Variants in PCED1B observed in about 807,000 individuals in gnomAD.
The protein encoded by PCED1B is PC-esterase domain-containing protein 1B.
For synonymous variants in PCED1B, 251 were observed against 246.1 expected, an observed-to-expected ratio of 1.02 and a Z score of -0.19; for missense variants, 573 against 573.9, an observed-to-expected ratio of 1.00 and a Z score of 0.02.
chr12:47,086,183 G>A (rs534204147), intron 1 of PCED1B, among the ~76,000 whole-genome samples: 34 of 152,018 alleles, frequency 2.2e-4, no homozygotes, highest in Non-Finnish European at 7.4e-5. Flanking sequence ...ACTTGGGTGT[G>A]ATCAACTCAC....
Position 47,235,326 on chromosome 12 carries a change from T to C in PCED1B, c.263T>C (p.Leu88Pro), listed in dbSNP as rs747871829. ...CGCGAGTTCCGCTCCGACCACCATCTGGTACGTTTTTACTTCCTCACCCGC... is the reference window on the plus strand; with the variant it reads ...CGCGAGTTCCGCTCCGACCACCATCCGGTACGTTTTTACTTCCTCACCCGC... ...EVREFRSDHHLVRFYFLTRVY... is the reference protein window; with the variant it reads ...EVREFRSDHHPVRFYFLTRVY... Residue 88 changes from leucine to proline, a missense_variant, in exon 4 of 4, where the codon CTG becomes CCG. Physicochemically the swap from Leu to Pro is moderately conservative, Grantham distance 98 (BLOSUM62 -3). Transcript: ENST00000546455. The C allele has an allele frequency of 6.2e-7, 1 of 1,614,112 alleles. No individual in the cohort carries two copies. Among genetic ancestry groups the C allele is most frequent in the South Asian group, 1.1e-5 (1 of 91,086 alleles).
intron 2 of PCED1B, among the ~76,000 whole-genome samples, chr12:47,142,244 C>T (rs1940623031): frequency 6.6e-6 from 1 of 152,146 alleles, no homozygotes; most frequent in Non-Finnish European, 1.5e-5. Flanking sequence ...CTGGACCCAG[C>T]AGCAGTCACA....
chr12:47,106,774 T>A (rs1352916209), intron 2 of PCED1B, among the ~76,000 whole-genome samples: 4 of 152,350 alleles, frequency 2.6e-5, no homozygotes, highest in Non-Finnish European at 5.9e-5. Flanking sequence ...ATGTTCTTTT[T>A]CTTTTTCCTC....
chr12:47,099,139 C>T (rs1428448533), intron 1 of PCED1B, among the ~76,000 whole-genome samples: 1 of 152,216 alleles, frequency 6.6e-6, no homozygotes, highest in Non-Finnish European at 1.5e-5. Flanking sequence ...ATCTGAAAAA[C>T]TTTCACACTG....
chr12:47,087,426 A>G (rs1938042714), intron 1 of PCED1B, among the ~76,000 whole-genome samples: 1 of 152,158 alleles, frequency 6.6e-6, no homozygotes, highest in Admixed American at 6.5e-5. Flanking sequence ...ATGCTTAACA[A>G]TTAGTTCTAA....
chr12:47,212,365 G>T (rs549955101), intron 2 of PCED1B, among the ~76,000 whole-genome samples: 1 of 152,182 alleles, frequency 6.6e-6, no homozygotes, highest in Non-Finnish European at 1.5e-5. Context: ...GCTAAATAAT[G>T]TAAGACCCAG....
intron 1 of PCED1B, among the ~76,000 whole-genome samples, chr12:47,090,856 G>A (rs993212184): frequency 1.3e-4 from 20 of 151,858 alleles, no homozygotes; most frequent in East Asian, 3.9e-4. Flanking sequence ...TTCATGGGCC[G>A]GTTTGTTGGA....
At chr12:47,172,176 C>T (rs1941765220) in intron 2 of PCED1B, among the ~76,000 whole-genome samples, 1 of 152,026 alleles carries the variant, frequency 6.6e-6, no homozygotes, top group Non-Finnish European at 1.5e-5. Flanking sequence ...ATCTTTCTTC[C>T]AAGTCTGCTA....
intron 2 of PCED1B, among the ~76,000 whole-genome samples, chr12:47,197,255 AAAAAAAG>A (rs1942632583): frequency 6.6e-6 from 1 of 150,820 alleles, no homozygotes; most frequent in Non-Finnish European, 1.5e-5. Context: ...AAAAAAAAAA[AAAAAAAG>A]ATATAAAAAC....
intron 2 of PCED1B, among the ~76,000 whole-genome samples, chr12:47,161,863 C>T (rs777267294): frequency 2.9e-4 from 44 of 152,298 alleles, no homozygotes; most frequent in Non-Finnish European, 2.8e-4. Context: ...GGAACCAACC[C>T]ATATGTCCAA....
chr12:47,148,225 C>A (rs796517769), intron 2 of PCED1B, among the ~76,000 whole-genome samples: 2 of 152,144 alleles, frequency 1.3e-5, no homozygotes, highest in Non-Finnish European at 2.9e-5. Context: ...CATGAGGGAG[C>A]CTTCATGGCC....
intron 2 of PCED1B, among the ~76,000 whole-genome samples, chr12:47,122,741 G>T (rs1388508554): frequency 6.6e-6 from 1 of 152,220 alleles, no homozygotes; most frequent in Admixed American, 6.5e-5. Flanking sequence ...TGGCACTGAT[G>T]ATAGGTGATT....
At chr12:47,108,372 ACAG>A (rs1268869224) in intron 2 of PCED1B, among the ~76,000 whole-genome samples, 1 of 152,182 alleles carries the variant, frequency 6.6e-6, no homozygotes, top group Non-Finnish European at 1.5e-5. Flanking sequence ...ACAGTTGATG[ACAG>A]CTGTTTCCCA....
Position 47,231,991 on chromosome 12 carries a change from C to A in PCED1B, c.-57-3016C>A, listed in dbSNP as rs375526170. Among the ~76,000 whole-genome samples the A allele has an allele frequency of 2.0e-5, 3 of 152,306 alleles. No homozygotes were observed. In the East Asian group the frequency reaches 5.8e-4, roughly 29 times the overall value. On this transcript the variant is annotated intron_variant, in intron 3 of 3. Coordinates refer to ENST00000546455, the MANE Select transcript of PCED1B (RefSeq NM_138371.3). ...AGACTTTCACAGTTTATGGCCCTTACCACTTTCTACATGATAGTACAATTA... is the reference window on the plus strand; with the variant it reads ...AGACTTTCACAGTTTATGGCCCTTAACACTTTCTACATGATAGTACAATTA...
At chr12:47,126,839 G>T (rs1004478109) in intron 2 of PCED1B, among the ~76,000 whole-genome samples, 2 of 152,064 alleles carry the variant, frequency 1.3e-5, no homozygotes, top group African/African-American at 2.4e-5. Context: ...TGAGTCCATA[G>T]TGCTGTTAGC....
chr12:47,125,507 G>C (rs1027745529), intron 2 of PCED1B, among the ~76,000 whole-genome samples: 2 of 151,846 alleles, frequency 1.3e-5, no homozygotes, highest in Non-Finnish European at 2.9e-5. Context: ...TTGAATTTTC[G>C]TATGAAGTTT....
chr12:47,085,879 A>T (rs1229770498), intron 1 of PCED1B, among the ~76,000 whole-genome samples: 2 of 152,178 alleles, frequency 1.3e-5, no homozygotes, highest in Non-Finnish European at 2.9e-5. Context: ...AGAATCAACT[A>T]CTGTACTTTC....
chr12:47,147,319 A>G (rs2137434557), intron 2 of PCED1B, among the ~76,000 whole-genome samples: 1 of 152,126 alleles, frequency 6.6e-6, no homozygotes, highest in Non-Finnish European at 1.5e-5. Context: ...GCCTGGCCTC[A>G]TTGCTCTTAA....
At chr12:47,138,093 G>A (rs912044686) in intron 2 of PCED1B, 4 of 152,192 alleles carry the variant, frequency 2.6e-5, no homozygotes, top group African/African-American at 9.7e-5. Context: ...AAGATGATGA[G>A]TTGGGATAAT....
Sources: allele counts gnomAD v4.1 joint callset (sites outside exome capture counted in the v4.1 genomes callset), GRCh38; gene constraint gnomAD v4.1.1; transcripts MANE v1.5; gene names NCBI Gene and HGNC (gene_info 2026-07-23, HGNC 2026-07-21).